The following IL1RAPL1 variants were observed in gnomAD, a reference collection of about 807,000 sequenced individuals.
IL1RAPL1 encodes interleukin-1 receptor accessory protein-like 1.
Under a neutral mutation model 48.4 loss-of-function variants are expected in IL1RAPL1, and 3 were observed. That is an observed-to-expected ratio of 0.06 (90% confidence interval 0.03 to 0.16). The LOEUF is 0.16. Ranked by LOEUF, IL1RAPL1 falls within the 10% of genes least tolerant of loss-of-function variation. IL1RAPL1 has a pLI of 1.00. For missense variants in IL1RAPL1, 349 were observed against 530.6 expected (o/e 0.66, Z 3.36); for synonymous variants, 185 against 187.7 (o/e 0.99, Z 0.12).
chrX:29,442,657 A>G (rs184094094), intron 5 of IL1RAPL1, among the ~76,000 whole-genome samples: 384 of 111,091 alleles, frequency 3.5e-3, no homozygotes, highest in Non-Finnish European at 4.9e-3. Context: ...GGAGTTTGAA[A>G]CCAGCTTGTG....
intron 1 of IL1RAPL1, among the ~76,000 whole-genome samples, chrX:28,622,899 A>G (rs1934299759): frequency 9.0e-6 from 1 of 111,720 alleles, no homozygotes; most frequent in Non-Finnish European, 1.9e-5. Flanking sequence ...CCCAAAGCCA[A>G]TATCTGCTGT....
intron 2 of IL1RAPL1, among the ~76,000 whole-genome samples, chrX:29,001,406 G>C (rs1400358387): frequency 9.0e-6 from 1 of 111,602 alleles, no homozygotes; most frequent in African/African-American, 3.3e-5. Flanking sequence ...CAGTGACACA[G>C]TGTCTAGATA....
In IL1RAPL1 at chrX:28,605,603, G is replaced by T. The variant is rs976365200; in HGVS notation, c.-25+17556G>T. Among the ~76,000 whole-genome samples, 4 of 112,027 alleles carry T rather than the reference G, an allele frequency of 3.6e-5. No individual in the cohort carries two copies. The South Asian group carries it at 1.1e-3, about 31-fold the overall frequency. Reference sequence around the variant, plus strand: ...TATGCCTCTGTTATTGTTTTCTACAGTCTGCTCTCAATATAGCAGCTACGG... The same window carrying T: ...TATGCCTCTGTTATTGTTTTCTACATTCTGCTCTCAATATAGCAGCTACGG... On this transcript the variant is annotated intron_variant, in intron 1 of 10. Coordinates refer to ENST00000378993, the MANE Select transcript of IL1RAPL1 (RefSeq NM_014271.4).
At chrX:28,875,569 A>G (rs1229165179) in intron 2 of IL1RAPL1, among the ~76,000 whole-genome samples, 1 of 111,786 alleles carries the variant, frequency 8.9e-6, no homozygotes, top group East Asian at 2.8e-4. Context: ...TCATGTTCAA[A>G]TGTGATCTCC....
intron 2 of IL1RAPL1, among the ~76,000 whole-genome samples, chrX:29,069,405 T>A (rs920176942): frequency 4.5e-5 from 5 of 111,626 alleles, no homozygotes; most frequent in Non-Finnish European, 1.9e-5. Flanking sequence ...GAGTTATTTT[T>A]TTCCAAAGGA....
intron 1 of IL1RAPL1, among the ~76,000 whole-genome samples, chrX:28,721,607 C>G (rs1472515598): frequency 9.0e-6 from 1 of 111,167 alleles, no homozygotes; most frequent in Non-Finnish European, 1.9e-5. Context: ...AATTAGATCC[C>G]ATTTGTCAAT....
intron 2 of IL1RAPL1, among the ~76,000 whole-genome samples, chrX:29,062,935 T>C (rs754132613): frequency 2.7e-5 from 3 of 111,910 alleles, no homozygotes; most frequent in Non-Finnish European, 5.7e-5. Context: ...TGTATCCATA[T>C]GGATTCAGAA....
intron 5 of IL1RAPL1, among the ~76,000 whole-genome samples, chrX:29,404,536 A>C (rs5928927): frequency 0.49 from 53,988 of 110,212 alleles, 9,647 homozygotes; most frequent in Middle Eastern, 0.59. Flanking sequence ...ATACCTTATT[A>C]CAGAGTACTC....
intron 2 of IL1RAPL1, among the ~76,000 whole-genome samples, chrX:29,192,766 TTGAC>T (rs1425681776): frequency 8.9e-6 from 1 of 111,977 alleles, no homozygotes; most frequent in African/African-American, 3.2e-5. Flanking sequence ...TCTATTTTCT[TTGAC>T]TGTTGTCATA....
intron 6 of IL1RAPL1, among the ~76,000 whole-genome samples, chrX:29,859,768 A>G (rs1438622309): frequency 8.9e-6 from 1 of 112,272 alleles, no homozygotes; most frequent in African/African-American, 3.2e-5. Context: ...CATTATTGAT[A>G]AAATCCTAAT....
intron 2 of IL1RAPL1, among the ~76,000 whole-genome samples, chrX:29,282,243 G>A (rs1413949172): frequency 8.9e-6 from 1 of 112,540 alleles, no homozygotes; most frequent in Non-Finnish European, 1.9e-5. Context: ...GGCTGAGATA[G>A]CACACCTGAG....
At chrX:29,400,186 G>A (rs1933976098) in intron 5 of IL1RAPL1, among the ~76,000 whole-genome samples, 1 of 111,889 alleles carries the variant, frequency 8.9e-6, no homozygotes, top group African/African-American at 3.3e-5. Flanking sequence ...AACACTACCT[G>A]TAATCATGAA....
chrX:29,034,957 C>T (rs1316803863), intron 2 of IL1RAPL1, among the ~76,000 whole-genome samples: 1 of 110,063 alleles, frequency 9.1e-6, no homozygotes, highest in Non-Finnish European at 1.9e-5. Context: ...TGGGTTCACA[C>T]CATTCTCCTG....
chrX:29,742,786 T>G (rs192743941), intron 6 of IL1RAPL1, among the ~76,000 whole-genome samples: 148 of 111,927 alleles, frequency 1.3e-3, no homozygotes, highest in Non-Finnish European at 2.3e-3. Flanking sequence ...ATTATCACAC[T>G]CAAATATGAC....
chrX:29,388,790 A>G (rs1933817261), intron 3 of IL1RAPL1, among the ~76,000 whole-genome samples: 1 of 112,347 alleles, frequency 8.9e-6, no homozygotes, highest in African/African-American at 3.2e-5. Flanking sequence ...AGAGGAAAGA[A>G]GAATAATTGC....
intron 5 of IL1RAPL1, among the ~76,000 whole-genome samples, chrX:29,541,620 T>C (rs1052061127): frequency 7.1e-5 from 8 of 112,052 alleles, no homozygotes; most frequent in Admixed American, 4.7e-4. Flanking sequence ...AAGAATTAAA[T>C]GTTGTCCTTT....
chrX:28,859,679 A>T (rs1453298489), intron 2 of IL1RAPL1, among the ~76,000 whole-genome samples: 1 of 109,636 alleles, frequency 9.1e-6, no homozygotes, highest in African/African-American at 3.3e-5. Context: ...TTTTTAAATC[A>T]TTTAATTTTT....
rs1256403600 is a variant in IL1RAPL1 at position 29,016,925 on chromosome X, A to C, written c.82+227500A>C. ...ATAGGTCCACAAGTTATATTTTCCT[A>C]GAGTAATATGTTCATTTTACAGGAA... On this transcript the variant is annotated intron_variant, in intron 2 of 10. Coordinates refer to ENST00000378993, the MANE Select transcript of IL1RAPL1 (RefSeq NM_014271.4). 3.6e-5 allele frequency among the ~76,000 whole-genome samples: 4 copies of C among 111,510 alleles called. No individual in the cohort carries two copies. In the East Asian group the frequency reaches 1.1e-3, roughly 31 times the overall value.
chrX:29,063,165 A>C (rs770531425), intron 2 of IL1RAPL1, among the ~76,000 whole-genome samples: 274 of 111,808 alleles, frequency 2.5e-3, no homozygotes, highest in Middle Eastern at 9.3e-3. Flanking sequence ...TTCTCCAAAT[A>C]AAACTACCAT....
Sources: allele counts gnomAD v4.1 joint callset (sites outside exome capture counted in the v4.1 genomes callset), GRCh38; gene constraint gnomAD v4.1.1; transcripts MANE v1.5; gene names NCBI Gene and HGNC (gene_info 2026-07-23, HGNC 2026-07-21).